Variants in ANK1 observed in about 807,000 individuals in gnomAD.
ANK1 encodes the protein ankyrin-1.
Under a neutral mutation model 210.4 loss-of-function variants are expected in ANK1, and 51 were observed. The ratio of observed to expected loss-of-function variants is 0.24; its 90% CI spans 0.19 to 0.31. The LOEUF is 0.31. Ranked by LOEUF, ANK1 falls within the 10% of genes least tolerant of loss-of-function variation. The pLI is 1.00. For synonymous variants in ANK1, 967 were observed against 1,025.9 expected (o/e 0.94, Z 1.10); for missense variants, 2,051 against 2,504.4 (o/e 0.82, Z 3.86).
At chr8:41,715,114 G>A (rs1157201063) in intron 14 of ANK1, 40 bp from the exon 15 acceptor site, 3 of 1,583,744 alleles carry the variant, frequency 1.9e-6, no homozygotes, top group Admixed American at 1.7e-5. Flanking sequence ...GGGCCCCAGG[G>A]CTGTCCTCCC....
intron 16 of ANK1, among the ~76,000 whole-genome samples, chr8:41,711,429 ATGT>A (rs1451568203): frequency 6.6e-6 from 1 of 152,228 alleles, no homozygotes; most frequent in Admixed American, 6.5e-5. Flanking sequence ...ACCGGCATTC[ATGT>A]TAAAAGAGAT....
intron 39 of ANK1, 35 bp downstream of exon 39, chr8:41,668,232 G>T: frequency 6.2e-7 from 1 of 1,613,834 alleles, no homozygotes. Context: ...ATGCTGGGAA[G>T]GAACAGCAGC....
At chr8:41,673,675 G>C in intron 37 of ANK1, among the ~76,000 whole-genome samples, 1 of 152,206 alleles carries the variant, frequency 6.6e-6, no homozygotes, top group Non-Finnish European at 1.5e-5. Flanking sequence ...TGAGCTGCTT[G>C]TCCCAGCTGC....
chr8:41,876,186 G>A (rs1485351377), intron 1 of ANK1, among the ~76,000 whole-genome samples: 2 of 152,116 alleles, frequency 1.3e-5, no homozygotes, highest in East Asian at 3.9e-4. Flanking sequence ...CCAGGCGGGC[G>A]CGGGGACGGC....
At chr8:41,707,320 A>G (rs1824861717) in intron 17 of ANK1, among the ~76,000 whole-genome samples, 1 of 152,254 alleles carries the variant, frequency 6.6e-6, no homozygotes, top group African/African-American at 2.4e-5. Flanking sequence ...ACTTTGCCTC[A>G]ATACACTTTG....
At chr8:41,757,955 G>T in intron 2 of ANK1, 81 bp downstream of exon 2, 1 of 1,271,780 alleles carries the variant, frequency 7.9e-7, no homozygotes, top group Non-Finnish European at 1.1e-6. Context: ...GGTTAATAGA[G>T]GCAGTTTCAA....
chr8:41,754,174 A>G (rs1173812861), intron 2 of ANK1, among the ~76,000 whole-genome samples: 3 of 152,238 alleles, frequency 2.0e-5, no homozygotes, highest in African/African-American at 7.2e-5. Flanking sequence ...AAATTATTCT[A>G]TCCCTTCAGC....
chr8:41,850,601 C>T (rs1811059520), intron 1 of ANK1, among the ~76,000 whole-genome samples: 1 of 152,196 alleles, frequency 6.6e-6, no homozygotes, highest in Non-Finnish European at 1.5e-5. Flanking sequence ...CCGCCTTAGC[C>T]TCCCGAGTAG....
intron 1 of ANK1, among the ~76,000 whole-genome samples, chr8:41,776,131 C>G (rs1191589698): frequency 6.6e-6 from 1 of 152,136 alleles, no homozygotes; most frequent in Non-Finnish European, 1.5e-5. Context: ...CTGGGCTTTG[C>G]ACCATTCTGC....
At chr8:41,862,660 CAAA>C (rs60114930) in intron 1 of ANK1, among the ~76,000 whole-genome samples, 1,665 of 99,618 alleles carry the variant, frequency 0.017, 27 homozygotes, top group African/African-American at 0.056. Flanking sequence ...GAGGCTCAGA[CAAA>C]AAAAAAAAAA....
Position 41,688,593 on chromosome 8 carries a change from C to A in ANK1, c.4105-4G>T, listed in dbSNP as rs746731748. ...TCCTATCTTCGGCTCCACTTCCCTG[C>A]AGAAGAAGAAAGGGTGCTTTGGGTT... On this transcript the variant is annotated splice_polypyrimidine_tract_variant and splice_region_variant and intron_variant, in intron 33 of 42. Coordinates refer to ENST00000289734, the MANE Select transcript of ANK1 (RefSeq NM_000037.4). The A allele has an allele frequency of 6.2e-7, 1 of 1,614,032 alleles. No homozygotes were observed. Among genetic ancestry groups the A allele is most frequent in the East Asian group, 2.2e-5 (1 of 44,884 alleles).
In ANK1 at chr8:41,704,563, C is replaced by T. The variant is rs72638993; in HGVS notation, c.2098-91G>A. Reference sequence around the variant, plus strand: ...CAAAGCAGCTGATTCAAAGAGAGAACGGACAGGGAGCCCCTTGAAGGCTGA... The same window carrying T: ...CAAAGCAGCTGATTCAAAGAGAGAATGGACAGGGAGCCCCTTGAAGGCTGA... On this transcript the variant is annotated intron_variant, in intron 18 of 42. Coordinates refer to ENST00000289734, the MANE Select transcript of ANK1 (RefSeq NM_000037.4). The surrounding 1 kb of genome is among the most constrained non-coding windows in gnomAD (Gnocchi z 4.1). 0.024 allele frequency: 27,716 copies of T among 1,145,680 alleles called. 420 individuals are homozygous for T. The highest frequency in any genetic ancestry group is 0.029 in the Non-Finnish European group (21,846 of 762,192). 71.0% of individuals were successfully genotyped at this position (1,145,680 alleles called of 1,614,324 possible). A position where few individuals can be genotyped will look rare whatever the true frequency, so the allele number is the denominator to read the frequency against.
At chr8:41,799,237 C>T (rs1042661037), upstream of ANK1, among the ~76,000 whole-genome samples, 26 of 152,158 alleles carry the variant, frequency 1.7e-4, no homozygotes. Flanking sequence ...AAGCAGGTCA[C>T]ATTAGACATG....
chr8:41,870,486 C>G (rs1815261417), intron 1 of ANK1, among the ~76,000 whole-genome samples: 1 of 152,190 alleles, frequency 6.6e-6, no homozygotes, highest in Non-Finnish European at 1.5e-5. Flanking sequence ...TGAGCCTCAG[C>G]CCCTGTGACT....
At chr8:41,825,785 T>C (rs1805265180) in intron 1 of ANK1, among the ~76,000 whole-genome samples, 1 of 152,120 alleles carries the variant, frequency 6.6e-6, no homozygotes. Flanking sequence ...GTTCTTGTGA[T>C]AGTAAATAAG....
chr8:41,663,584 CA>C, intron 40 of ANK1, 74 bp downstream of exon 40: 1 of 1,435,740 alleles, frequency 7.0e-7, no homozygotes, highest in Non-Finnish European at 9.8e-7. Flanking sequence ...AGGGAGAAGC[CA>C]CTGGCTTCTA....
In ANK1 at chr8:41,668,547, G is replaced by A; in HGVS notation, c.5114C>T (p.Ala1705Val). 6.2e-7 allele frequency: 1 copy of A among 1,613,594 alleles called. No homozygotes were observed. Among genetic ancestry groups the A allele is most frequent in the Middle Eastern group, 1.7e-4 (1 of 6,056 alleles). Reference sequence around the variant, plus strand: ...CAGGTATGAGACAATCGAGCCGTCTGCATCCCAGTCCTGCAGTCTGGGGTC... The same window carrying A: ...CAGGTATGAGACAATCGAGCCGTCTACATCCCAGTCCTGCAGTCTGGGGTC... ...RSQDRLQDWD[A>V]DGSIVSYLQD... The change falls in exon 39 of 43, where the codon GCA (alanine) becomes GTA (valine). Residue 1705 changes from alanine (A) to valine (V), a missense_variant. Physicochemically the swap from Ala to Val is moderately conservative, Grantham distance 64. Coordinates refer to ENST00000289734, the MANE Select transcript of ANK1 (RefSeq NM_000037.4).
At chr8:41,817,766 T>C (rs1803564472) in intron 1 of ANK1, among the ~76,000 whole-genome samples, 2 of 152,210 alleles carry the variant, frequency 1.3e-5, no homozygotes, top group Non-Finnish European at 2.9e-5. Flanking sequence ...ACCGAAGATA[T>C]ACCTAACAAG....
chr8:41,683,000 C>T (rs1816552542), intron 37 of ANK1, among the ~76,000 whole-genome samples: 1 of 151,598 alleles, frequency 6.6e-6, no homozygotes, highest in Non-Finnish European at 1.5e-5. Context: ...GGGCCGGGCA[C>T]ACGCAGCAGG....
Sources: gnomAD v4.1 joint callset for allele counts (sites outside exome capture counted in the v4.1 genomes callset) on GRCh38, gnomAD v4.1.1 for gene constraint, Gnocchi (gnomAD v3.1) non-coding constraint, MANE v1.5 for transcripts, NCBI Gene and HGNC (gene_info 2026-07-23, HGNC 2026-07-21) for gene names.